The following ITSN1 variants were observed in gnomAD, a reference collection of about 807,000 sequenced individuals.
ITSN1 encodes the protein intersectin 1, also known as intersectin-1.
A neutral mutation model predicts 239.8 loss-of-function variants in ITSN1; 58 were observed. The ratio of observed to expected loss-of-function variants is 0.24; its 90% CI spans 0.20 to 0.30. The LOEUF (loss-of-function observed/expected upper bound fraction) is 0.30. Ranked by LOEUF, ITSN1 falls within the 10% of genes least tolerant of loss-of-function variation. The probability of loss-of-function intolerance (pLI) is 1.00; values close to 1 mark genes in which losing one functional copy is unlikely to be tolerated. For synonymous variants in ITSN1, 780 were observed against 770.8 expected, an observed-to-expected ratio of 1.01 and a Z score of -0.20; for missense variants, 1,558 against 2,103.3, an observed-to-expected ratio of 0.74 and a Z score of 5.07.
intron 28 of ITSN1, among the ~76,000 whole-genome samples, chr21:33,835,663 G>A (rs2148403624): frequency 6.6e-6 from 1 of 152,354 alleles, no homozygotes; most frequent in East Asian, 1.9e-4. Flanking sequence ...TGGCATGGTG[G>A]CTCGCGCCTG....
At chr21:33,769,623 A>G (rs955941641) in intron 11 of ITSN1, among the ~76,000 whole-genome samples, 5 of 151,684 alleles carry the variant, frequency 3.3e-5, no homozygotes, top group Non-Finnish European at 5.9e-5. Flanking sequence ...TTTTGCTCAC[A>G]TGGGATTTCC....
chr21:33,683,873 C>G (rs1211209564), intron 1 of ITSN1, among the ~76,000 whole-genome samples: 1 of 152,142 alleles, frequency 6.6e-6, no homozygotes, highest in Non-Finnish European at 1.5e-5. Flanking sequence ...TTAGAAATAT[C>G]CACTCTGCCA....
At chr21:33,648,295 T>A (rs912585030) in intron 1 of ITSN1, among the ~76,000 whole-genome samples, 4 of 152,204 alleles carry the variant, frequency 2.6e-5, no homozygotes, top group Non-Finnish European at 5.9e-5. Context: ...CAAAAAACTC[T>A]CATCTTACAG....
chr21:33,713,586 T>C (rs2092479033), intron 1 of ITSN1, among the ~76,000 whole-genome samples: 1 of 152,058 alleles, frequency 6.6e-6, no homozygotes, highest in African/African-American at 2.4e-5. Context: ...TTTCAAATTG[T>C]AGTAATTCAT....
At chr21:33,881,947 A>G (rs1387421693) in intron 34 of ITSN1, among the ~76,000 whole-genome samples, 1 of 144,342 alleles carries the variant, frequency 6.9e-6, no homozygotes, top group Non-Finnish European at 1.5e-5. Flanking sequence ...CCCTGTCTCA[A>G]AAAAAAAAAA....
chr21:33,764,706 G>T (rs2068600362), intron 9 of ITSN1, among the ~76,000 whole-genome samples: 3 of 152,164 alleles, frequency 2.0e-5, no homozygotes, highest in African/African-American at 7.2e-5. Context: ...AATTAAGAAG[G>T]TTTCTTAATT....
rs11273835 is a variant in ITSN1, at chr21:33,682,805, A to AGCCACCACCTCCG, written c.-32-35989_-32-35988insACCACCTCCGGCC. Among the ~76,000 whole-genome samples the AGCCACCACCTCCG allele has an allele frequency of 3.3e-5, 5 of 150,800 alleles. No individual in the cohort carries two copies. In the East Asian group the frequency reaches 5.8e-4, roughly 18 times the overall value. ...CCAAAGTGCTGGGATTGCAGGCTTG[A>AGCCACCACCTCCG]GCCCTTTTTTTTTTCCCCATATGGC... is the stretch of plus-strand genomic sequence containing the variant. On this transcript the variant is annotated intron_variant, in intron 1 of 39. Coordinates refer to ENST00000381318, the MANE Select transcript of ITSN1 (RefSeq NM_003024.3).
intron 34 of ITSN1, among the ~76,000 whole-genome samples, chr21:33,877,134 A>G (rs1451854626): frequency 1.5e-5 from 2 of 131,920 alleles, no homozygotes; most frequent in Non-Finnish European, 3.1e-5. Flanking sequence ...GCTCCCCGCA[A>G]CCTCTGCCTC....
In ITSN1 at chr21:33,779,127, T is replaced by C. The variant is rs556099876; in HGVS notation, c.1597-2334T>C. ...GCTCTATTGATTTTTTTTTTTTTAG[T>C]AAGCCCTTGGCTTTATTGATTTTCT... On this transcript the variant is annotated intron_variant, in intron 14 of 39. Coordinates refer to ENST00000381318, the MANE Select transcript of ITSN1 (RefSeq NM_003024.3). 2.6e-5 allele frequency among the ~76,000 whole-genome samples: 4 copies of C among 151,888 alleles called. No homozygotes were observed. In the South Asian group the frequency reaches 8.3e-4, roughly 32 times the overall value.
At chr21:33,888,030 A>G (rs957114042) in intron 39 of ITSN1, 122 bp from the exon 40 acceptor site, 3 of 956,740 alleles carry the variant, frequency 3.1e-6, no homozygotes, top group Non-Finnish European at 1.6e-6. Context: ...GTTGGTTTAC[A>G]TCAGAGCCCA....
intron 5 of ITSN1, among the ~76,000 whole-genome samples, chr21:33,744,946 A>G (rs1430984810): frequency 1.3e-5 from 2 of 152,370 alleles, no homozygotes; most frequent in South Asian, 4.1e-4. Flanking sequence ...TGCCTTTTGT[A>G]TATGAGCTGT....
In ITSN1 at chr21:33,823,503, C is replaced by T. The variant is rs138606777; in HGVS notation, c.3033C>T (p.Tyr1011=). ...VVSGEEFIAM[Y]TYESSEQGDL... ...CCCCACCAGAATTTATTGCCATGTACACTTACGAGAGTTCTGAGCAAGGAG... is the reference window on the plus strand; with the variant it reads ...CCCCACCAGAATTTATTGCCATGTATACTTACGAGAGTTCTGAGCAAGGAG... Residue 1011 remains tyrosine, a synonymous_variant, in exon 25 of 40, where the codon TAC becomes TAT. Transcript: ENST00000381318. 79 of 1,613,852 alleles carry T rather than the reference C, an allele frequency of 4.9e-5. No individual in the cohort carries two copies. In the South Asian group the frequency reaches 7.5e-4, roughly 15 times the overall value.
chr21:33,665,253 ACT>A (rs993772040), intron 1 of ITSN1, among the ~76,000 whole-genome samples: 5 of 151,810 alleles, frequency 3.3e-5, no homozygotes, highest in Non-Finnish European at 7.4e-5. Context: ...ACAGAATGAG[ACT>A]CTGTCTCAAA....
chr21:33,646,606 T>C (rs2087978051), intron 1 of ITSN1, among the ~76,000 whole-genome samples: 1 of 152,224 alleles, frequency 6.6e-6, no homozygotes, highest in South Asian at 2.1e-4. Flanking sequence ...GAGTTTGATC[T>C]AACCTCTCAA....
intron 31 of ITSN1, among the ~76,000 whole-genome samples, chr21:33,859,118 GC>G (rs1979965194): frequency 6.6e-6 from 1 of 152,180 alleles, no homozygotes; most frequent in Non-Finnish European, 1.5e-5. Flanking sequence ...GCGTGGGGCT[GC>G]CCCCTCTACG....
chr21:33,780,184 G>A (rs544559470), intron 14 of ITSN1, among the ~76,000 whole-genome samples: 73 of 152,282 alleles, frequency 4.8e-4, no homozygotes, highest in African/African-American at 1.6e-3. Flanking sequence ...ATTTAGGGAT[G>A]AAGGCCATGT....
intron 29 of ITSN1, among the ~76,000 whole-genome samples, chr21:33,839,421 G>C (rs1347123766): frequency 1.3e-5 from 2 of 152,120 alleles, no homozygotes; most frequent in Non-Finnish European, 2.9e-5. Context: ...GAAGAGTAAG[G>C]AGGGAGGAGC....
chr21:33,699,060 C>A (rs185858026), intron 1 of ITSN1, among the ~76,000 whole-genome samples: 1 of 152,170 alleles, frequency 6.6e-6, no homozygotes, highest in East Asian at 1.9e-4. Context: ...ATACCTGAAA[C>A]GAAACCCTAA....
At chr21:33,663,081 C>A (rs917927600) in intron 1 of ITSN1, among the ~76,000 whole-genome samples, 1 of 152,174 alleles carries the variant, frequency 6.6e-6, no homozygotes. Flanking sequence ...CATTAGTCTA[C>A]CTTGCCTAGA....
Sources: allele counts gnomAD v4.1 joint callset (sites outside exome capture counted in the v4.1 genomes callset), GRCh38; gene constraint gnomAD v4.1.1; transcripts MANE v1.5; gene names NCBI Gene and HGNC (gene_info 2026-07-23, HGNC 2026-07-21).